Variants in RALGPS2 observed in about 807,000 individuals in gnomAD.
RALGPS2 encodes ras-specific guanine nucleotide-releasing factor RalGPS2.
Under a neutral mutation model 86.8 loss-of-function variants are expected in RALGPS2, and 43 were observed. That is an observed-to-expected ratio of 0.50 (90% CI 0.39 to 0.64). The LOEUF is 0.64. RALGPS2 is among the 30% of genes least tolerant of loss of function. The pLI is 0.00. For missense variants in RALGPS2, 536 were observed against 694.6 expected (o/e 0.77, Z 2.57); for synonymous variants, 243 against 231.3 (o/e 1.05, Z -0.46).
At position 178,919,968 on chromosome 1, in the gene RALGPS2, G is replaced by A. The variant is rs1172274809; in HGVS notation, c.*3609G>A. 6.6e-6 allele frequency: 1 copy of A among 151,982 alleles called. No individual in the cohort carries two copies. The highest frequency in any genetic ancestry group is 1.5e-5 in the Non-Finnish European group (1 of 67,886). The allele number at this position is 151,982 out of a possible 1,614,324, so 9.4% of individuals were successfully genotyped here. On this transcript the variant is annotated 3_prime_UTR_variant, in exon 20 of 20. Coordinates refer to ENST00000367635, the MANE Select transcript of RALGPS2 (RefSeq NM_152663.5). ...CAGGTGGAGTAATAGTACTGCTGTT[G>A]CATGAATAGATGATACAAAGCAAGT...
At chr1:178,727,303 G>A (rs1015104572) in intron 1 of RALGPS2, among the ~76,000 whole-genome samples, 5 of 151,794 alleles carry the variant, frequency 3.3e-5, no homozygotes, top group Admixed American at 6.6e-5. Flanking sequence ...GAGCTCAAGC[G>A]ATCCTCCCGT....
In RALGPS2 at chr1:178,917,136, T is replaced by A. The variant is rs1660842494; in HGVS notation, c.*777T>A. ...TTAAATAGGTTCCAGAAAACATGGT[T>A]GTTTCTAACTAGGGTTAAAGTTTAG... On this transcript the variant is annotated 3_prime_UTR_variant, in exon 20 of 20. Coordinates refer to ENST00000367635, the MANE Select transcript of RALGPS2 (RefSeq NM_152663.5). 1 of 152,206 alleles carries A rather than the reference T, an allele frequency of 6.6e-6. No individual in the cohort carries two copies. Among genetic ancestry groups the A allele is most frequent in the Non-Finnish European group, 1.5e-5 (1 of 68,040 alleles). The allele number at this position is 152,206 out of a possible 1,614,324, so 9.4% of individuals were successfully genotyped here. A position where few individuals can be genotyped will look rare whatever the true frequency, so the allele number is the denominator to read the frequency against.
At chr1:178,787,632 A>T (rs905396398) in intron 4 of RALGPS2, among the ~76,000 whole-genome samples, 5 of 152,246 alleles carry the variant, frequency 3.3e-5, no homozygotes, top group Admixed American at 1.3e-4. Flanking sequence ...CATCTATGGG[A>T]AATTTTTATT....
intron 4 of RALGPS2, among the ~76,000 whole-genome samples, chr1:178,797,380 C>T (rs1654246032): frequency 6.6e-6 from 1 of 151,876 alleles, no homozygotes; most frequent in Non-Finnish European, 1.5e-5. Context: ...GGCAAAATTC[C>T]TTTAATGCCA....
intron 6 of RALGPS2, among the ~76,000 whole-genome samples, chr1:178,818,185 C>T (rs1367015235): frequency 6.6e-6 from 1 of 152,032 alleles, no homozygotes; most frequent in Non-Finnish European, 1.5e-5. Flanking sequence ...CATAGTGAAA[C>T]CCTGTCTCTA....
intron 8 of RALGPS2, among the ~76,000 whole-genome samples, chr1:178,871,668 CTT>C (rs1658767023): frequency 6.6e-6 from 1 of 152,182 alleles, no homozygotes; most frequent in Admixed American, 6.5e-5. Context: ...ATGCTTAAGA[CTT>C]TTAAATATTA....
intron 8 of RALGPS2, among the ~76,000 whole-genome samples, chr1:178,866,723 A>G (rs374248667): frequency 2.0e-5 from 3 of 152,306 alleles, no homozygotes; most frequent in South Asian, 4.1e-4. Context: ...CTAAGGCCAC[A>G]CAAGGATTAG....
chr1:178,741,103 C>T (rs145136875), intron 1 of RALGPS2, among the ~76,000 whole-genome samples: 1 of 152,138 alleles, frequency 6.6e-6, no homozygotes, highest in Non-Finnish European at 1.5e-5. Flanking sequence ...CTTACTGATT[C>T]ACTTGGAGCA....
intron 4 of RALGPS2, among the ~76,000 whole-genome samples, chr1:178,789,136 G>T (rs1459277698): frequency 2.0e-5 from 3 of 152,016 alleles, no homozygotes; most frequent in African/African-American, 7.2e-5. Context: ...CAAACTCCTG[G>T]CCTCAAGTGA....
At chr1:178,784,710 A>T (rs1291492165) in intron 3 of RALGPS2, among the ~76,000 whole-genome samples, 188 bp downstream of exon 3, 2 of 149,750 alleles carry the variant, frequency 1.3e-5, no homozygotes, top group Non-Finnish European at 3.0e-5. Flanking sequence ...AAAGCTGTAC[A>T]TTTTTTTTTA....
intron 6 of RALGPS2, among the ~76,000 whole-genome samples, chr1:178,820,353 A>G (rs765148238): frequency 1.3e-5 from 2 of 152,212 alleles, no homozygotes; most frequent in Non-Finnish European, 2.9e-5. Flanking sequence ...ATGAGAGCAA[A>G]TCTAGCCTTT....
chr1:178,881,815 T>C (rs1326148469), intron 10 of RALGPS2, among the ~76,000 whole-genome samples: 4 of 152,074 alleles, frequency 2.6e-5, no homozygotes, highest in Non-Finnish European at 5.9e-5. Flanking sequence ...GTTTGAAAAA[T>C]AGAGCATTTT....
chr1:178,832,935 T>C (rs1656097279), intron 7 of RALGPS2, among the ~76,000 whole-genome samples: 1 of 151,946 alleles, frequency 6.6e-6, no homozygotes, highest in Non-Finnish European at 1.5e-5. Context: ...AATCCAAAAA[T>C]GTAAGGAATT....
At chr1:178,807,813 G>A (rs758363234) in intron 4 of RALGPS2, among the ~76,000 whole-genome samples, 3 of 152,142 alleles carry the variant, frequency 2.0e-5, no homozygotes, top group Non-Finnish European at 2.9e-5. Context: ...CCAGTATTCT[G>A]CCTGTGGAAT....
intron 13 of RALGPS2, among the ~76,000 whole-genome samples, chr1:178,889,066 C>T (rs1055365874): frequency 9.9e-5 from 15 of 151,854 alleles, no homozygotes; most frequent in Non-Finnish European, 2.9e-5. Flanking sequence ...TAATTGTAAA[C>T]GTTCTGTTTG....
rs758489717 is a variant in RALGPS2, at chr1:178,885,155, A to G, written c.984A>G (p.Pro328=). The change falls in exon 12 of 20, where the codon CCA becomes CCG. Residue 328 remains proline (P), a synonymous_variant. Transcript: ENST00000367635. The stretch of plus-strand genomic sequence containing the variant: ...GAGCCTTGCTCCCACAGACACCGCC[A>G]TCCCCTCGGAATCTGATTCCACATG... ...AEGALLPQTP[P]SPRNLIPHGH... The G allele has an allele frequency of 2.8e-5, 45 of 1,613,848 alleles. No individual in the cohort carries two copies. Among genetic ancestry groups the G allele is most frequent in the Non-Finnish European group, 8.5e-7 (1 of 1,179,942 alleles).
chr1:178,884,332 A>G (rs1471733841), intron 11 of RALGPS2, among the ~76,000 whole-genome samples: 3 of 152,220 alleles, frequency 2.0e-5, no homozygotes, highest in Admixed American at 2.0e-4. Flanking sequence ...TGCATATACC[A>G]CAAATAATTT....
intron 18 of RALGPS2, among the ~76,000 whole-genome samples, chr1:178,906,273 G>A (rs1033675754): frequency 6.6e-6 from 1 of 151,964 alleles, no homozygotes; most frequent in African/African-American, 2.4e-5. Context: ...TTATTGGGAG[G>A]CCGAGACACG....
intron 19 of RALGPS2, among the ~76,000 whole-genome samples, chr1:178,914,376 G>GT (rs1365596633): frequency 6.6e-6 from 1 of 152,134 alleles, no homozygotes; most frequent in African/African-American, 2.4e-5. Flanking sequence ...GCGGTTTGTG[G>GT]TGAGAGTGGG....
Sources: allele counts gnomAD v4.1 joint callset (sites outside exome capture counted in the v4.1 genomes callset), GRCh38; gene constraint gnomAD v4.1.1; transcripts MANE v1.5; gene names NCBI Gene and HGNC (gene_info 2026-07-23, HGNC 2026-07-21).